SLC9C2: variants seen among roughly 807,000 people sequenced by gnomAD.
SLC9C2 encodes solute carrier family 9 member C2 (putative).
A neutral mutation model predicts 140.2 loss-of-function variants in SLC9C2; 75 were observed. The ratio of observed to expected loss-of-function variants is 0.53; its 90% CI spans 0.44 to 0.65. The LOEUF is 0.65. SLC9C2 is among the 30% of genes least tolerant of loss of function. SLC9C2 has a pLI of 0.00. For synonymous variants in SLC9C2, 375 were observed against 420.9 expected (o/e 0.89, Z 1.34); for missense variants, 1,074 against 1,331.8 (o/e 0.81, Z 3.01).
chr1:173,586,094 G>A (rs1216327199), intron 5 of SLC9C2, among the ~76,000 whole-genome samples: 2 of 152,120 alleles, frequency 1.3e-5, no homozygotes, highest in Non-Finnish European at 2.9e-5. Context: ...TCAAGAGAGT[G>A]CAGAAAGGAG....
chr1:173,539,843 C>T (rs987216185), intron 13 of SLC9C2, among the ~76,000 whole-genome samples: 7 of 152,104 alleles, frequency 4.6e-5, no homozygotes, highest in Non-Finnish European at 1.0e-4. Context: ...TGCAGCAAGT[C>T]CTTCCATGGG....
chr1:173,500,925 C>T lies in SLC9C2; in HGVS notation c.*169G>A. The T allele has an allele frequency of 1.6e-6, 1 of 633,092 alleles. No individual in the cohort carries two copies. The highest frequency in any genetic ancestry group is 2.3e-6 in the Non-Finnish European group (1 of 437,560). The allele number at this position is 633,092 out of a possible 1,614,324, so 39.2% of individuals were successfully genotyped here. A position where few individuals can be genotyped will look rare whatever the true frequency, so the allele number is the denominator to read the frequency against. ...ATTAAGAAGTTTTACAGAAGTCCAT[C>T]CATTGCTTATAAACTAAATGCAGCA... On this transcript the variant is annotated 3_prime_UTR_variant, in exon 28 of 28. Transcript: ENST00000367714.
chr1:173,581,435 A>G (rs1370954808), intron 7 of SLC9C2, among the ~76,000 whole-genome samples: 3 of 152,184 alleles, frequency 2.0e-5, no homozygotes, highest in Non-Finnish European at 4.4e-5. Context: ...CAGTCTTCTC[A>G]ATTTGGCATC....
chr1:173,509,233 C>A (rs958587102), intron 24 of SLC9C2, among the ~76,000 whole-genome samples: 4 of 152,032 alleles, frequency 2.6e-5, no homozygotes, highest in Non-Finnish European at 5.9e-5. Flanking sequence ...CACTTGAGGT[C>A]AGGAGTTCAA....
At chr1:173,560,769 G>T (rs1441906081) in intron 9 of SLC9C2, among the ~76,000 whole-genome samples, 1 of 151,904 alleles carries the variant, frequency 6.6e-6, no homozygotes, top group Non-Finnish European at 1.5e-5. Context: ...CACGTTTCTT[G>T]TTCCTTCTCT....
At chr1:173,577,708 G>T (rs1318295695) in intron 7 of SLC9C2, among the ~76,000 whole-genome samples, 1 of 152,096 alleles carries the variant, frequency 6.6e-6, no homozygotes, top group Non-Finnish European at 1.5e-5. Flanking sequence ...TAGAAAACAT[G>T]AAAATGCTTG....
At chr1:173,516,382 G>C (rs1660420155) in intron 23 of SLC9C2, among the ~76,000 whole-genome samples, 1 of 152,118 alleles carries the variant, frequency 6.6e-6, no homozygotes, top group Non-Finnish European at 1.5e-5. Flanking sequence ...TGTGTCATGA[G>C]GGTTTGTTGT....
At chr1:173,513,232 G>A (rs1277201383) in intron 23 of SLC9C2, among the ~76,000 whole-genome samples, 1 of 152,170 alleles carries the variant, frequency 6.6e-6, no homozygotes, top group Non-Finnish European at 1.5e-5. Flanking sequence ...AGTTTCAGAA[G>A]GAATGGTACC....
intron 9 of SLC9C2, among the ~76,000 whole-genome samples, chr1:173,568,154 G>A (rs12127482): frequency 0.054 from 8,216 of 152,046 alleles, 307 homozygotes; most frequent in Non-Finnish European, 0.082. Context: ...TTAGGTTTGG[G>A]AGTACACGTG....
chr1:173,521,405 T>TA lies in SLC9C2; in HGVS notation c.2641-7_2641-6insT. 7.0e-7 allele frequency: 1 copy of TA among 1,437,664 alleles called. No individual in the cohort carries two copies. Among genetic ancestry groups the TA allele is most frequent in the Non-Finnish European group, 9.1e-7 (1 of 1,093,808 alleles). The allele number at this position is 1,437,664 out of a possible 1,614,324, so 89.1% of individuals were successfully genotyped here. ...CAGGCAAGTTTGGCTCTTTCCTGAG[T>TA]GGGAAAAAAAAAAACGAAAAGAAAA... On this transcript the variant is annotated splice_polypyrimidine_tract_variant and splice_region_variant and intron_variant, in intron 21 of 27. Transcript: ENST00000367714.
At chr1:173,595,848 G>A (rs1312195476) in intron 4 of SLC9C2, among the ~76,000 whole-genome samples, 1 of 152,022 alleles carries the variant, frequency 6.6e-6, no homozygotes, top group African/African-American at 2.4e-5. Context: ...TTTGATAAAT[G>A]CATACAGTTA....
intron 11 of SLC9C2, among the ~76,000 whole-genome samples, chr1:173,551,232 C>G (rs1158170360): frequency 6.6e-6 from 1 of 152,150 alleles, no homozygotes; most frequent in Non-Finnish European, 1.5e-5. Flanking sequence ...GTTCCATGCT[C>G]TATGAGAAAC....
intron 21 of SLC9C2, among the ~76,000 whole-genome samples, chr1:173,523,098 A>G (rs982862829): frequency 6.6e-6 from 1 of 152,192 alleles, no homozygotes; most frequent in South Asian, 2.1e-4. Flanking sequence ...TCTGCCAGGC[A>G]CAGTGGCTCA....
intron 24 of SLC9C2, among the ~76,000 whole-genome samples, chr1:173,508,061 C>T (rs979822983): frequency 6.6e-6 from 1 of 152,060 alleles, no homozygotes; most frequent in Non-Finnish European, 1.5e-5. Context: ...ATCTCAGTCA[C>T]TGACAGGTGA....
intron 24 of SLC9C2, among the ~76,000 whole-genome samples, chr1:173,508,260 C>A (rs1170576241): frequency 6.6e-6 from 1 of 150,838 alleles, no homozygotes; most frequent in Non-Finnish European, 1.5e-5. Context: ...TTGGCTAGTT[C>A]TTTAATGGAA....
chr1:173,552,293 A>T (rs1296027294), intron 11 of SLC9C2, among the ~76,000 whole-genome samples: 3 of 152,254 alleles, frequency 2.0e-5, no homozygotes, highest in African/African-American at 7.2e-5. Context: ...AAGCTGCAGC[A>T]AGTTATCCAG....
At chr1:173,591,239 C>T (rs1220135805) in intron 4 of SLC9C2, among the ~76,000 whole-genome samples, 1 of 152,150 alleles carries the variant, frequency 6.6e-6, no homozygotes, top group Non-Finnish European at 1.5e-5. Context: ...CACAGTATTC[C>T]ATGGCAAATA....
chr1:173,520,516 T>C lies in SLC9C2; in HGVS notation c.2739+785A>G, dbSNP rs149299847. 5.1e-3 allele frequency among the ~76,000 whole-genome samples: 775 copies of C among 152,342 alleles called. 6 individuals carry two copies. The highest frequency in any genetic ancestry group is 0.017 in the African/African-American group (727 of 41,582). ...ATTAGGCTCCAAGAAGGCAGGAATT[T>C]GTGTCTGTTTTGTCAATCCCATGCC... On this transcript the variant is annotated intron_variant, in intron 22 of 27. Coordinates refer to ENST00000367714, the MANE Select transcript of SLC9C2 (RefSeq NM_178527.4).
At position 173,598,010 on chromosome 1, in the gene SLC9C2, A is replaced by T. The variant is rs748188774; in HGVS notation, c.251T>A (p.Leu84His). ...AAGTGAAAAACTTGATGTTCTTAGA[A>T]GAGGGTAGACAATTTGGTGCACCTA... ...SVEVHQIVYPLLRTSSFSLYS... is the reference protein window; with the variant it reads ...SVEVHQIVYPHLRTSSFSLYS... Residue 84 changes from leucine to histidine, a missense_variant, in exon 4 of 28, where the codon CTT becomes CAT. Leu to His is a moderately conservative substitution (Grantham distance 99). Coordinates refer to ENST00000367714, the MANE Select transcript of SLC9C2 (RefSeq NM_178527.4). The T allele has an allele frequency of 8.2e-6, 13 of 1,594,776 alleles. No individual in the cohort carries two copies. The highest frequency in any genetic ancestry group is 1.1e-5 in the Non-Finnish European group (13 of 1,170,846).
Sources: allele counts gnomAD v4.1 joint callset (sites outside exome capture counted in the v4.1 genomes callset), GRCh38; gene constraint gnomAD v4.1.1; transcripts MANE v1.5; gene names NCBI Gene and HGNC (gene_info 2026-07-23, HGNC 2026-07-21).